LAMA1: variants seen among roughly 807,000 people sequenced by gnomAD.
The protein encoded by LAMA1 is laminin subunit alpha-1.
In LAMA1, 219 loss-of-function variants were observed where a neutral mutation model predicts 348.7. The observed-to-expected ratio is 0.63, with a 90% CI of 0.56 to 0.70. LAMA1 has a LOEUF of 0.70. Ranked by LOEUF, LAMA1 falls within the 30% of genes least tolerant of loss-of-function variation. The pLI is 0.00. For synonymous variants in LAMA1, 1,487 were observed against 1,491.0 expected, an observed-to-expected ratio of 1.00 and a Z score of 0.06; for missense variants, 3,744 against 3,888.0, an observed-to-expected ratio of 0.96 and a Z score of 0.99.
intron 33 of LAMA1, among the ~76,000 whole-genome samples, chr18:6,995,871 T>A (rs1439927928): frequency 2.6e-5 from 4 of 152,206 alleles, no homozygotes; most frequent in Non-Finnish European, 4.4e-5. Context: ...AAGTGCTTAA[T>A]TTATGCCAAC....
intron 1 of LAMA1, among the ~76,000 whole-genome samples, chr18:7,113,176 T>A (rs554126565): frequency 2.0e-5 from 3 of 152,282 alleles, no homozygotes; most frequent in African/African-American, 7.2e-5. Flanking sequence ...GGGAAGGTTG[T>A]CTAACAAATA....
intron 17 of LAMA1, among the ~76,000 whole-genome samples, chr18:7,025,369 C>G (rs1430530441): frequency 6.6e-6 from 1 of 152,204 alleles, no homozygotes; most frequent in Admixed American, 6.5e-5. Flanking sequence ...GAGAGAAGAG[C>G]TTCCTGCACC....
rs559673395 is a variant in LAMA1, at chr18:7,117,786, G to A, written c.-66C>T. 6 of 1,434,032 alleles carry A rather than the reference G, an allele frequency of 4.2e-6. No individual in the cohort carries two copies. Among genetic ancestry groups the A allele is most frequent in the Admixed American group, 1.9e-5 (1 of 51,960 alleles). The allele number at this position is 1,434,032 out of a possible 1,614,324, so 88.8% of individuals were successfully genotyped here. A position where few individuals can be genotyped will look rare whatever the true frequency, so the allele number is the denominator to read the frequency against. On this transcript the variant is annotated 5_prime_UTR_variant, in exon 1 of 63. Coordinates refer to ENST00000389658, the MANE Select transcript of LAMA1 (RefSeq NM_005559.4). ...GCGCGCCCGCCTGGAACGCTCCACG[G>A]GACGCGAGTCCGCGCTGCCCTGGCC...
At position 7,105,857 on chromosome 18, in the gene LAMA1, C is replaced by T. The variant is rs145075734; in HGVS notation, c.61+11803G>A. Among the ~76,000 whole-genome samples, 1,497 of 152,246 alleles carry T rather than the reference C, an allele frequency of 9.8e-3. 17 individuals are homozygous for T. The highest frequency in any genetic ancestry group is 0.014 in the Non-Finnish European group (952 of 68,018). On this transcript the variant is annotated intron_variant, in intron 1 of 62. Transcript: ENST00000389658. ...AGTATTTTTCAAAGAAGGGTCTTGG[C>T]GAATGACCAAGTCAGCAAAGCAAGA...
intron 18 of LAMA1, among the ~76,000 whole-genome samples, chr18:7,023,640 C>G (rs150684470): frequency 6.6e-6 from 1 of 152,114 alleles, no homozygotes; most frequent in African/African-American, 2.4e-5. Context: ...CTGACCACTC[C>G]GGATGCCGCA....
rs568391478 is a variant in LAMA1 at position 7,018,013 on chromosome 18, G to A, written c.2702-629C>T. Among the ~76,000 whole-genome samples, 31 of 152,082 alleles carry A rather than the reference G, an allele frequency of 2.0e-4. No individual in the cohort carries two copies. In the South Asian group the frequency reaches 6.2e-3, roughly 31 times the overall value. On this transcript the variant is annotated intron_variant, in intron 19 of 62. Transcript: ENST00000389658. ...ATATATTTAATCAATATTCACAGGG[G>A]AACCCTTAATAAGCACTTCAGTTAG...
At chr18:7,098,165 G>A (rs1245471145) in intron 1 of LAMA1, among the ~76,000 whole-genome samples, 27 of 151,896 alleles carry the variant, frequency 1.8e-4, no homozygotes, top group African/African-American at 6.5e-4. Context: ...ATGGTGCCCA[G>A]GCTGGAGTGC....
At chr18:7,052,319 T>C (rs1367378790) in intron 3 of LAMA1, among the ~76,000 whole-genome samples, 2 of 151,878 alleles carry the variant, frequency 1.3e-5, no homozygotes, top group Non-Finnish European at 2.9e-5. Flanking sequence ...TAGTCCCCAC[T>C]ACTCAGGAGG....
chr18:7,044,044 T>C (rs1172338408), intron 7 of LAMA1, among the ~76,000 whole-genome samples: 1 of 150,956 alleles, frequency 6.6e-6, no homozygotes, highest in Non-Finnish European at 1.5e-5. Context: ...TAGTCCCAGC[T>C]ACTCAGGAGG....
At chr18:6,962,131 A>G (rs2057611064) in intron 51 of LAMA1, 72 bp from the exon 52 acceptor site, 1 of 1,051,750 alleles carries the variant, frequency 9.5e-7, no homozygotes, top group African/African-American at 1.6e-5. Context: ...AAGGAATACA[A>G]AGCCACTGGG....
At chr18:6,966,403 G>A in intron 48 of LAMA1, 106 bp from the exon 49 acceptor site, 1 of 933,230 alleles carries the variant, frequency 1.1e-6, no homozygotes, top group East Asian at 2.6e-5. Context: ...AGAGCTATTA[G>A]TTCCATACTT....
At chr18:6,977,653 A>C in intron 44 of LAMA1, 74 bp downstream of exon 44, 1 of 1,573,814 alleles carries the variant, frequency 6.4e-7, no homozygotes, top group Non-Finnish European at 8.7e-7. Context: ...ACTGAGGGCC[A>C]TGTCTGCATG....
intron 1 of LAMA1, among the ~76,000 whole-genome samples, chr18:7,107,859 A>G (rs2058319614): frequency 6.6e-6 from 1 of 151,420 alleles, no homozygotes; most frequent in South Asian, 2.1e-4. Context: ...CTAAAAATAC[A>G]AAAAATTAGC....
At chr18:7,058,827 G>A (rs2058092087) in intron 3 of LAMA1, among the ~76,000 whole-genome samples, 2 of 152,220 alleles carry the variant, frequency 1.3e-5, no homozygotes, top group African/African-American at 4.8e-5. Flanking sequence ...CACCAATCAT[G>A]TGTTGACAAA....
rs758894076 is a variant in LAMA1, at chr18:7,017,425, G to C, written c.2702-41C>G. 3 of 1,401,554 alleles carry C rather than the reference G, an allele frequency of 2.1e-6. No homozygotes were observed. The African/African-American group carries it at 4.3e-5, about 20-fold the overall frequency. 86.8% of individuals were successfully genotyped at this position (1,401,554 alleles called of 1,614,324 possible). On this transcript the variant is annotated intron_variant, in intron 19 of 62. Transcript: ENST00000389658. Reference sequence around the variant, plus strand: ...CAAAGACATATTAACCCTCACTTCTGAGGATGGTTATCATAAGATCCGTCA... The same window carrying C: ...CAAAGACATATTAACCCTCACTTCTCAGGATGGTTATCATAAGATCCGTCA...
Position 7,087,907 on chromosome 18 carries a change from T to C in LAMA1, c.62-7450A>G, listed in dbSNP as rs78652866. Among the ~76,000 whole-genome samples, 593 of 152,350 alleles carry C rather than the reference T, an allele frequency of 3.9e-3. 7 individuals are homozygous for C. Among genetic ancestry groups the C allele is most frequent in the East Asian group, 0.032 (167 of 5,182 alleles). On this transcript the variant is annotated intron_variant, in intron 1 of 62. Transcript: ENST00000389658. ...AGGTAAAGGGTTTCATACAATGTAT[T>C]AAGATCTCAACAAATAGCTGCTCTT...
intron 36 of LAMA1, among the ~76,000 whole-genome samples, chr18:6,989,447 T>C (rs538356751): frequency 2.6e-5 from 4 of 152,306 alleles, no homozygotes; most frequent in African/African-American, 9.6e-5. Context: ...ACAATTGCCA[T>C]GCTTCAGCAT....
intron 1 of LAMA1, among the ~76,000 whole-genome samples, chr18:7,109,919 C>T (rs2058329022): frequency 6.6e-6 from 1 of 152,200 alleles, no homozygotes; most frequent in Non-Finnish European, 1.5e-5. Context: ...TGCGGTGGCT[C>T]ACGCCTGTAA....
chr18:7,092,325 G>A (rs1216364514), intron 1 of LAMA1, among the ~76,000 whole-genome samples: 1 of 152,152 alleles, frequency 6.6e-6, no homozygotes, highest in East Asian at 1.9e-4. Flanking sequence ...CAACTGAGAA[G>A]CTGTTCCTTT....
Sources: allele counts gnomAD v4.1 joint callset (sites outside exome capture counted in the v4.1 genomes callset), GRCh38; gene constraint gnomAD v4.1.1; transcripts MANE v1.5; gene names NCBI Gene and HGNC (gene_info 2026-07-23, HGNC 2026-07-21).